CDC42BPA: variants seen among roughly 807,000 people sequenced by gnomAD.
CDC42BPA encodes the protein CDC42 binding protein kinase alpha.
In CDC42BPA, 80 loss-of-function variants were observed where a neutral mutation model predicts 223.5. The ratio of observed to expected loss-of-function variants is 0.36; its 90% CI spans 0.30 to 0.43. The LOEUF (loss-of-function observed/expected upper bound fraction) is 0.43. CDC42BPA is among the 20% of genes least tolerant of loss of function. The pLI is 1.00. For synonymous variants in CDC42BPA, 694 were observed against 718.6 expected (o/e 0.97, Z 0.55); for missense variants, 1,743 against 2,099.9 (o/e 0.83, Z 3.32).
intron 22 of CDC42BPA, among the ~76,000 whole-genome samples, chr1:227,050,074 G>A (rs1673229842): frequency 6.6e-6 from 1 of 152,068 alleles, no homozygotes; most frequent in Non-Finnish European, 1.5e-5. Flanking sequence ...TTTAAAATAA[G>A]CCACAGACTG....
At chr1:227,274,041 C>A (rs112859334) in intron 1 of CDC42BPA, among the ~76,000 whole-genome samples, 9,718 of 145,744 alleles carry the variant, frequency 0.067, 468 homozygotes, top group Middle Eastern at 0.11. Context: ...TTTCCCCCAC[C>A]CTGTAAATTT....
chr1:227,008,292 A>G, intron 34 of CDC42BPA, among the ~76,000 whole-genome samples: 1 of 152,138 alleles, frequency 6.6e-6, no homozygotes, highest in East Asian at 1.9e-4. Context: ...ATTTGAAGTT[A>G]CAGGCCTGTG....
intron 1 of CDC42BPA, among the ~76,000 whole-genome samples, chr1:227,275,464 A>C (rs933256742): frequency 7.2e-5 from 11 of 152,170 alleles, no homozygotes; most frequent in African/African-American, 2.4e-4. Flanking sequence ...AAATTAAAAC[A>C]ACTATTAAAT....
At chr1:227,084,853 C>T (rs970729400) in intron 16 of CDC42BPA, among the ~76,000 whole-genome samples, 8 of 143,768 alleles carry the variant, frequency 5.6e-5, no homozygotes, top group Non-Finnish European at 1.2e-4. Context: ...CTGCGTAACA[C>T]TTGAATTGGG....
intron 5 of CDC42BPA, among the ~76,000 whole-genome samples, chr1:227,167,734 G>C (rs1266500712): frequency 6.6e-6 from 1 of 152,146 alleles, no homozygotes; most frequent in Non-Finnish European, 1.5e-5. Flanking sequence ...GCTTTAAGCA[G>C]TCATATGGTT....
chr1:227,185,399 C>T (rs1668595188), intron 5 of CDC42BPA, among the ~76,000 whole-genome samples: 1 of 152,180 alleles, frequency 6.6e-6, no homozygotes, highest in Non-Finnish European at 1.5e-5. Flanking sequence ...GCCCTTGCCC[C>T]CACATGTGCC....
chr1:227,108,680 A>G (rs1175111895), intron 14 of CDC42BPA, among the ~76,000 whole-genome samples: 1 of 152,180 alleles, frequency 6.6e-6, no homozygotes, highest in Non-Finnish European at 1.5e-5. Flanking sequence ...CTCAAGTCTC[A>G]TATATACAAT....
At chr1:227,026,756 A>C (rs1192470144) in intron 30 of CDC42BPA, among the ~76,000 whole-genome samples, 1 of 148,682 alleles carries the variant, frequency 6.7e-6, no homozygotes, top group East Asian at 1.9e-4. Context: ...AATAATCATA[A>C]TTATTATCTG....
intron 2 of CDC42BPA, among the ~76,000 whole-genome samples, chr1:227,217,342 G>A (rs1032804361): frequency 5.9e-5 from 9 of 151,882 alleles, no homozygotes; most frequent in Non-Finnish European, 7.4e-5. Flanking sequence ...AGCTACTAGG[G>A]AGGCTGAGGC....
chr1:227,163,738 A>AT (rs1454245547), intron 5 of CDC42BPA, among the ~76,000 whole-genome samples: 4 of 141,914 alleles, frequency 2.8e-5, no homozygotes, highest in South Asian at 2.2e-4. Context: ...TTGTAAAAAA[A>AT]AAAAATATAT....
At chr1:227,299,802 T>C (rs1285847986) in intron 1 of CDC42BPA, among the ~76,000 whole-genome samples, 1 of 152,148 alleles carries the variant, frequency 6.6e-6, no homozygotes, top group Admixed American at 6.5e-5. Flanking sequence ...CTAAACAGAA[T>C]GATTTCTCAT....
At chr1:227,170,033 T>G (rs1384860099) in intron 5 of CDC42BPA, among the ~76,000 whole-genome samples, 1 of 152,164 alleles carries the variant, frequency 6.6e-6, no homozygotes, top group African/African-American at 2.4e-5. Flanking sequence ...ACTCCACATT[T>G]TCATCTAGAA....
intron 1 of CDC42BPA, among the ~76,000 whole-genome samples, chr1:227,271,523 A>C (rs184694103): frequency 3.3e-5 from 5 of 152,156 alleles, no homozygotes; most frequent in Admixed American, 2.6e-4. Context: ...AAAAAAAAGC[A>C]GTGGGGAGAA....
chr1:227,036,451 C>T (rs1287909712), intron 24 of CDC42BPA, among the ~76,000 whole-genome samples: 2 of 108,644 alleles, frequency 1.8e-5, no homozygotes, highest in East Asian at 2.9e-4. Flanking sequence ...TTTTTTGAGA[C>T]GGAGTCTCGC....
At chr1:227,001,265 A>G (rs191283387) in intron 35 of CDC42BPA, among the ~76,000 whole-genome samples, 3 of 152,356 alleles carry the variant, frequency 2.0e-5, no homozygotes, top group African/African-American at 4.8e-5. Context: ...TGAAGCCAGC[A>G]GGAGGCACTC....
At chr1:227,066,981 G>A (rs1677218890) in intron 21 of CDC42BPA, among the ~76,000 whole-genome samples, 1 of 152,164 alleles carries the variant, frequency 6.6e-6, no homozygotes, top group South Asian at 2.1e-4. Flanking sequence ...AGCTTAGAAA[G>A]CACATGAGTG....
At chr1:227,135,269 A>G (rs1230548017) in intron 10 of CDC42BPA, among the ~76,000 whole-genome samples, 1 of 152,176 alleles carries the variant, frequency 6.6e-6, no homozygotes, top group Non-Finnish European at 1.5e-5. Context: ...TAATTGATGT[A>G]CTTGGGGGCT....
At chr1:227,234,444 C>T (rs1572533835) in intron 2 of CDC42BPA, 1 of 152,318 alleles carries the variant, frequency 6.6e-6, no homozygotes, top group South Asian at 2.1e-4. Context: ...TCTTCCTGAA[C>T]ATCTGGGGCC....
chr1:227,213,814 C>A (rs963880448), intron 2 of CDC42BPA, among the ~76,000 whole-genome samples: 2 of 151,982 alleles, frequency 1.3e-5, no homozygotes, highest in African/African-American at 4.8e-5. Context: ...TTTACAAAAA[C>A]TAAACTTTAC....
Sources: gnomAD v4.1 joint callset for allele counts (sites outside exome capture counted in the v4.1 genomes callset) on GRCh38, gnomAD v4.1.1 for gene constraint, MANE v1.5 for transcripts, NCBI Gene and HGNC (gene_info 2026-07-23, HGNC 2026-07-21) for gene names.